Variants in TDP2 observed in about 807,000 individuals in gnomAD.
TDP2 encodes the protein 5'-Tyr-DNA phosphodiesterase.
A neutral mutation model predicts 42.8 loss-of-function variants in TDP2; 38 were observed. The ratio of observed to expected loss-of-function variants is 0.89; its 90% CI spans 0.68 to 1.16. The LOEUF is 1.16. TDP2 is among the 50% of genes most tolerant of loss of function. The pLI is 0.00. For missense variants in TDP2, 439 were observed against 439.3 expected (o/e 1.00, Z 0.01); for synonymous variants, 173 against 150.6 (o/e 1.15, Z -1.09).
chr6:24,660,424 A>G (rs1286843995), intron 2 of TDP2, among the ~76,000 whole-genome samples: 1 of 152,210 alleles, frequency 6.6e-6, no homozygotes, highest in Non-Finnish European at 1.5e-5. Flanking sequence ...GCATGCTACT[A>G]TACTGGATAC....
chr6:24,654,373 T>G (rs1428463690), intron 5 of TDP2, 39 bp downstream of exon 5: 5 of 1,066,996 alleles, frequency 4.7e-6, no homozygotes, highest in Non-Finnish European at 6.8e-6. Flanking sequence ...TGAAAAAATC[T>G]TTTTTTTATA....
chr6:24,657,835 G>T lies in TDP2; in HGVS notation c.494C>A (p.Ser165Ter). 6.4e-7 allele frequency: 1 copy of T among 1,572,084 alleles called. No homozygotes were observed. The highest frequency in any genetic ancestry group is 1.2e-5 in the South Asian group (1 of 86,760). The part of the protein sequence containing the change: ...PPYYSYLKKR[S>*]SNYEIITGHE... ...ACCTGTAATAATCTCATAATTACTTGATCTCTTCTTTAGGTAGCTATAATA... is the reference window on the plus strand; with the variant it reads ...ACCTGTAATAATCTCATAATTACTTTATCTCTTCTTTAGGTAGCTATAATA... Residue 165 changes from serine (S) to a stop codon, truncating the protein, a stop_gained, in exon 4 of 7, where the codon TCA becomes TAA. Coordinates refer to ENST00000378198, the MANE Select transcript of TDP2 (RefSeq NM_016614.3). LOFTEE classifies it high-confidence loss of function.
At position 24,666,248 on chromosome 6, in the gene TDP2, T is replaced by G. The variant is rs996127942; in HGVS notation, c.251+278A>C. ...CATTTGTTTCAAACCTCTCGCTTAC[T>G]TATTTCCTTTCATTTGAGTTAAACA... On this transcript the variant is annotated intron_variant, in intron 2 of 6. Coordinates refer to ENST00000378198, the MANE Select transcript of TDP2 (RefSeq NM_016614.3). 9.1e-6 allele frequency: 14 copies of G among 1,543,296 alleles called. No individual in the cohort carries two copies. The African/African-American group carries it at 1.2e-4, about 14-fold the overall frequency.
At chr6:24,657,380 T>C (rs1306382818) in intron 4 of TDP2, among the ~76,000 whole-genome samples, 6 of 152,174 alleles carry the variant, frequency 3.9e-5, no homozygotes. Flanking sequence ...GTATTTTAAA[T>C]ATATTTAGCA....
rs778102996 is a variant in TDP2 at position 24,652,997 on chromosome 6, G to A, written c.793C>T (p.Leu265=). ...TTGTCACTCACCTCTCGATCCCTTAGATTTGTATCTCCTGCAAATATAACT... is the reference window on the plus strand; with the variant it reads ...TTGTCACTCACCTCTCGATCCCTTAAATTTGTATCTCCTGCAAATATAACT... ...ATVIFAGDTN[L]RDREVTRCGG... The change falls in exon 6 of 7, where the codon CTA becomes TTA. Residue 265 remains leucine, a synonymous_variant. Coordinates refer to ENST00000378198, the MANE Select transcript of TDP2 (RefSeq NM_016614.3). 6.2e-6 allele frequency: 10 copies of A among 1,613,324 alleles called. No homozygotes were observed. In the Admixed American group the frequency reaches 1.5e-4, roughly 24 times the overall value.
At chr6:24,658,235 T>C (rs901215877) in intron 3 of TDP2, among the ~76,000 whole-genome samples, 1 of 152,202 alleles carries the variant, frequency 6.6e-6, no homozygotes, top group Non-Finnish European at 1.5e-5. Context: ...TGAAGAAAAC[T>C]GTCCAGAGAA....
chr6:24,654,425 AG>A lies in TDP2; in HGVS notation c.622del (p.Leu208PhefsTer6). On this transcript the variant is annotated frameshift_variant, in exon 5 of 7. Transcript: ENST00000378198. LOFTEE classifies it high-confidence loss of function. ...PFPSTKMMRN[L>X]LCVHVNVSGN... ...AAAATTACTCACATGCACACATAAA[AG>A]GTTTCTCATCATTTTGGTACTTGGA... The A allele has an allele frequency of 6.6e-7, 1 of 1,511,934 alleles. No individual in the cohort carries two copies. Among genetic ancestry groups the A allele is most frequent in the Non-Finnish European group, 9.0e-7 (1 of 1,105,146 alleles). The allele number at this position is 1,511,934 out of a possible 1,614,324, so 93.7% of individuals were successfully genotyped here. A position where few individuals can be genotyped will look rare whatever the true frequency, so the allele number is the denominator to read the frequency against.
At chr6:24,663,548 C>T (rs1252286888) in intron 2 of TDP2, among the ~76,000 whole-genome samples, 1 of 152,154 alleles carries the variant, frequency 6.6e-6, no homozygotes, top group Non-Finnish European at 1.5e-5. Flanking sequence ...GTAGTGGGGT[C>T]CAGTGGGAGG....
intron 6 of TDP2, among the ~76,000 whole-genome samples, chr6:24,651,645 G>GCA (rs55997270): frequency 2.0e-5 from 3 of 149,428 alleles, no homozygotes; most frequent in Admixed American, 6.7e-5. Flanking sequence ...AGGATGGAGT[G>GCA]GTGCAATCTC....
At chr6:24,660,386 T>G (rs1345703153) in intron 2 of TDP2, among the ~76,000 whole-genome samples, 1 of 152,242 alleles carries the variant, frequency 6.6e-6, no homozygotes, top group Non-Finnish European at 1.5e-5. Flanking sequence ...TGGTCTAGCC[T>G]ACTGCTCCTA....
In TDP2 at chr6:24,654,836, T is replaced by C. The variant is rs570363013; in HGVS notation, c.518-306A>G. ...TGGGCGGATCACCTGAGGTCAGGAG[T>C]TTGAGACCAACCTGACCAAAATGGA... On this transcript the variant is annotated intron_variant, in intron 4 of 6. Coordinates refer to ENST00000378198, the MANE Select transcript of TDP2 (RefSeq NM_016614.3). Among the ~76,000 whole-genome samples, 215 of 150,474 alleles carry C rather than the reference T, an allele frequency of 1.4e-3. 2 individuals are homozygous for C. The highest frequency in any genetic ancestry group is 4.3e-3 in the African/African-American group (174 of 40,910).
intron 4 of TDP2, among the ~76,000 whole-genome samples, chr6:24,657,343 T>C (rs1778074904): frequency 6.6e-6 from 1 of 152,158 alleles, no homozygotes; most frequent in East Asian, 1.9e-4. Flanking sequence ...AGACTGTATA[T>C]GAAAATCACG....
intron 6 of TDP2, among the ~76,000 whole-genome samples, chr6:24,651,725 C>T (rs1195055458): frequency 1.3e-5 from 2 of 151,922 alleles, no homozygotes; most frequent in African/African-American, 4.8e-5. Context: ...TAGCTGGGAT[C>T]ACAGGCATGT....
intron 2 of TDP2, among the ~76,000 whole-genome samples, chr6:24,661,763 C>T (rs16889601): frequency 0.013 from 1,994 of 152,240 alleles, 33 homozygotes; most frequent in African/African-American, 0.034. Context: ...TTTCATCCTA[C>T]CCAAAAGTTC....
intron 6 of TDP2, 38 bp downstream of exon 6, chr6:24,652,945 A>T: frequency 6.2e-7 from 1 of 1,605,524 alleles, no homozygotes; most frequent in Non-Finnish European, 8.5e-7. Flanking sequence ...CCATAGCAAT[A>T]ATCTGTCCTC....
intron 4 of TDP2, among the ~76,000 whole-genome samples, chr6:24,656,128 AAAAC>A (rs1360669104): frequency 1.3e-5 from 2 of 152,220 alleles, no homozygotes; most frequent in African/African-American, 2.4e-5. Context: ...ATTAAAACCT[AAAAC>A]AAACAAAAAA....
At chr6:24,655,624 A>AC (rs1443656469) in intron 4 of TDP2, among the ~76,000 whole-genome samples, 1 of 152,152 alleles carries the variant, frequency 6.6e-6, no homozygotes, top group African/African-American at 2.4e-5. Context: ...CTCCAGAGTC[A>AC]CCAGCCACAG....
At chr6:24,659,494 C>T (rs1367643579) in intron 2 of TDP2, among the ~76,000 whole-genome samples, 1 of 151,754 alleles carries the variant, frequency 6.6e-6, no homozygotes, top group Non-Finnish European at 1.5e-5. Flanking sequence ...CTTTTGGGTT[C>T]GTAGATAGAT....
chr6:24,661,120 C>CA (rs1222283231), intron 2 of TDP2, among the ~76,000 whole-genome samples: 2 of 152,190 alleles, frequency 1.3e-5, no homozygotes, highest in African/African-American at 4.8e-5. Context: ...TGCTGTTGTT[C>CA]ACTGAACTTT....
Sources: allele counts gnomAD v4.1 joint callset (sites outside exome capture counted in the v4.1 genomes callset), GRCh38; gene constraint gnomAD v4.1.1; transcripts MANE v1.5; gene names NCBI Gene and HGNC (gene_info 2026-07-23, HGNC 2026-07-21).